Variants in DLEU7 observed in about 807,000 individuals in gnomAD.
The protein encoded by DLEU7 is leukemia-associated protein 7.
Under a neutral mutation model 16.0 loss-of-function variants are expected in DLEU7, and 17 were observed. That is an observed-to-expected ratio of 1.06 (90% confidence interval 0.73 to 1.59). The LOEUF (loss-of-function observed/expected upper bound fraction) is 1.59, where lower values mean the gene tolerates loss of function less well. DLEU7 is among the 40% of genes most tolerant of loss of function. DLEU7 has a pLI of 0.00. For missense variants in DLEU7, 308 were observed against 314.9 expected (o/e 0.98, Z 0.17); for synonymous variants, 113 against 139.8 (o/e 0.81, Z 1.35).
chr13:50,733,592 C>G (rs1209577165), intron 1 of DLEU7, among the ~76,000 whole-genome samples: 1 of 152,066 alleles, frequency 6.6e-6, no homozygotes, highest in Non-Finnish European at 1.5e-5. Flanking sequence ...AACTCCTCAA[C>G]TCTGTCCCCT....
intron 1 of DLEU7, among the ~76,000 whole-genome samples, chr13:50,813,409 G>A (rs574474542): frequency 4.6e-5 from 7 of 152,012 alleles, no homozygotes; most frequent in Admixed American, 2.0e-4. Flanking sequence ...TATGTGTTAT[G>A]GCTCAGCTTA....
chr13:50,787,840 T>C (rs1049272151), intron 1 of DLEU7, among the ~76,000 whole-genome samples: 22 of 152,234 alleles, frequency 1.4e-4, no homozygotes, highest in African/African-American at 5.1e-4. Context: ...TCCACTCATG[T>C]TGGACCACCC....
At chr13:50,780,066 T>C (rs957864135) in intron 1 of DLEU7, among the ~76,000 whole-genome samples, 1 of 152,146 alleles carries the variant, frequency 6.6e-6, no homozygotes, top group Admixed American at 6.5e-5. Context: ...AGTTCTTCCC[T>C]GCAAAAGCTT....
chr13:50,726,426 C>T lies in DLEU7; in HGVS notation c.460-13186G>A, dbSNP rs1242632211. Among the ~76,000 whole-genome samples, 1 of 152,146 alleles carries T rather than the reference C, an allele frequency of 6.6e-6. No homozygotes were observed. The highest frequency in any genetic ancestry group is 1.9e-4 in the East Asian group (1 of 5,188). ...ACCTGACTTTCCCGCCTCCTCCTTT[C>T]ACGGAACACAGGCTTCCATTTAACC... On this transcript the variant is annotated intron_variant, in intron 1 of 1. Coordinates refer to the DLEU7 transcript ENST00000400393. The surrounding 1 kb of genome is among the most constrained non-coding windows in gnomAD (Gnocchi z 4.0).
intron 1 of DLEU7, among the ~76,000 whole-genome samples, chr13:50,747,091 T>C (rs1255078430): frequency 6.6e-6 from 1 of 152,144 alleles, no homozygotes; most frequent in Non-Finnish European, 1.5e-5. Flanking sequence ...TCACGAAAGA[T>C]AGAATTTTGA....
intron 1 of DLEU7, among the ~76,000 whole-genome samples, chr13:50,830,779 G>C (rs1472245309): frequency 6.6e-6 from 1 of 152,108 alleles, no homozygotes; most frequent in Non-Finnish European, 1.5e-5. Context: ...ATGGCACAGG[G>C]ACTTTGCAGA....
intron 1 of DLEU7, among the ~76,000 whole-genome samples, chr13:50,793,190 T>G (rs1248041652): frequency 6.6e-6 from 1 of 152,182 alleles, no homozygotes. Context: ...GCACCCGTGT[T>G]GCTGCAAAGG....
At chr13:50,842,874 G>A (rs1358008854) in intron 1 of DLEU7, among the ~76,000 whole-genome samples, 2 of 152,206 alleles carry the variant, frequency 1.3e-5, no homozygotes, top group African/African-American at 4.8e-5. Context: ...TGCACGTGTG[G>A]AAAGGGCCTT....
rs535944900 is a variant in DLEU7, at chr13:50,719,216, C to A, written c.460-5976G>T. Reference sequence around the variant, plus strand: ...TATAATCCATTACCATGAATAATTTCTTCTAGAAAGTGCCTATATAGTAAA... The same window carrying A: ...TATAATCCATTACCATGAATAATTTATTCTAGAAAGTGCCTATATAGTAAA... On this transcript the variant is annotated intron_variant, in intron 1 of 1. Coordinates refer to the DLEU7 transcript ENST00000400393. Among the ~76,000 whole-genome samples the A allele has an allele frequency of 1.4e-4, 22 of 152,250 alleles. 1 individual carries two copies. The South Asian group carries it at 4.4e-3, about 30-fold the overall frequency.
chr13:50,730,960 A>T (rs749437002), intron 1 of DLEU7, among the ~76,000 whole-genome samples: 21 of 152,162 alleles, frequency 1.4e-4, no homozygotes, highest in Non-Finnish European at 1.8e-4. Flanking sequence ...TAACAAAAGG[A>T]TCAGAGGCTA....
At chr13:50,738,160 T>C (rs1168446803) in intron 1 of DLEU7, among the ~76,000 whole-genome samples, 1 of 152,176 alleles carries the variant, frequency 6.6e-6, no homozygotes, top group Non-Finnish European at 1.5e-5. Flanking sequence ...AAGAAATGCT[T>C]GGAACTAGCA....
chr13:50,729,262 TATAAG>T (rs759224134), intron 1 of DLEU7, among the ~76,000 whole-genome samples: 27 of 152,218 alleles, frequency 1.8e-4, no homozygotes, highest in Non-Finnish European at 3.5e-4. Context: ...AGCTCCCACT[TATAAG>T]AAAGAACATG....
chr13:50,771,896 T>G (rs1401058234), intron 1 of DLEU7, among the ~76,000 whole-genome samples: 4 of 152,138 alleles, frequency 2.6e-5, no homozygotes, highest in African/African-American at 9.7e-5. Context: ...TGTGTGGGAG[T>G]CTAAGTCTCT....
At chr13:50,715,029 G>A (rs1322227378) in intron 1 of DLEU7, among the ~76,000 whole-genome samples, 2 of 152,098 alleles carry the variant, frequency 1.3e-5, no homozygotes, top group Non-Finnish European at 2.9e-5. Context: ...CCTTGTTGGC[G>A]GAATTCAGTT....
chr13:50,812,061 T>A (rs1168124682), intron 1 of DLEU7, among the ~76,000 whole-genome samples: 2 of 112,828 alleles, frequency 1.8e-5, no homozygotes, highest in East Asian at 2.7e-4. Flanking sequence ...CAGAGCGAGA[T>A]TCCATCTCAA....
chr13:50,801,343 G>C (rs1250735288), intron 1 of DLEU7, among the ~76,000 whole-genome samples: 1 of 152,080 alleles, frequency 6.6e-6, no homozygotes, highest in Non-Finnish European at 1.5e-5. Context: ...CGCTTCAGAT[G>C]TTTTCAGCTA....
intron 1 of DLEU7, among the ~76,000 whole-genome samples, chr13:50,829,877 T>C (rs1176557597): frequency 1.3e-5 from 2 of 152,160 alleles, no homozygotes; most frequent in Non-Finnish European, 2.9e-5. Context: ...GAGTCTGCAA[T>C]GGAAGGTAGG....
chr13:50,774,064 C>T (rs1875412787), intron 1 of DLEU7, among the ~76,000 whole-genome samples: 1 of 152,168 alleles, frequency 6.6e-6, no homozygotes, highest in Admixed American at 6.5e-5. Context: ...GGCATGGAAC[C>T]CACCGAGCCA....
intron 1 of DLEU7, among the ~76,000 whole-genome samples, chr13:50,839,680 T>C (rs569558125): frequency 6.6e-6 from 1 of 152,172 alleles, no homozygotes; most frequent in East Asian, 1.9e-4. Context: ...TGTCAATAGT[T>C]CCAGAAAAGC....
Sources: allele counts gnomAD v4.1 joint callset (sites outside exome capture counted in the v4.1 genomes callset), GRCh38; gene constraint gnomAD v4.1.1; non-coding constraint Gnocchi (gnomAD v3.1); transcripts MANE v1.5; gene names NCBI Gene and HGNC (gene_info 2026-07-23, HGNC 2026-07-21).